The following ADSS2 variants were observed in gnomAD, a reference collection of about 807,000 sequenced individuals.
ADSS2 encodes the protein adenylosuccinate synthetase isozyme 2.
ADSS2 carries 30 observed loss-of-function variants against 60.0 expected under a neutral mutation model. The observed-to-expected ratio is 0.50, with a 90% CI of 0.37 to 0.68. The LOEUF (loss-of-function observed/expected upper bound fraction) is 0.68, where lower values mean the gene tolerates loss of function less well. Among genes scored for constraint, ADSS2 ranks in the 30% least tolerant of loss-of-function variants. ADSS2 has a pLI of 0.00. For synonymous variants in ADSS2, 187 were observed against 193.1 expected (o/e 0.97, Z 0.26); for missense variants, 373 against 554.8 (o/e 0.67, Z 3.29).
intron 6 of ADSS2, among the ~76,000 whole-genome samples, chr1:244,423,160 G>A (rs1182531856): frequency 6.6e-6 from 1 of 152,158 alleles, no homozygotes; most frequent in African/African-American, 2.4e-5. Context: ...GGTGATATGT[G>A]TGTAGGGAGG....
Position 244,451,523 on chromosome 1 carries a change from C to G in ADSS2, c.183+112G>C. The stretch of plus-strand genomic sequence containing the variant: ...ACAGGAGGAGAGAGCCTCAAGGTGA[C>G]ACCTCATTTTGGCCAGTGGATCCGG... On this transcript the variant is annotated intron_variant, in intron 1 of 12. Transcript: ENST00000366535. This position sits in a 1 kb window ranked among gnomAD's most constrained non-coding sequence, Gnocchi z 6.6. The G allele has an allele frequency of 2.6e-6, 3 of 1,159,194 alleles. No individual in the cohort carries two copies. Among genetic ancestry groups the G allele is most frequent in the Non-Finnish European group, 3.6e-6 (3 of 837,910 alleles). 71.8% of individuals were successfully genotyped at this position (1,159,194 alleles called of 1,614,324 possible). A position where few individuals can be genotyped will look rare whatever the true frequency, so the allele number is the denominator to read the frequency against.
intron 3 of ADSS2, among the ~76,000 whole-genome samples, chr1:244,433,235 C>G (rs978598934): frequency 3.3e-5 from 5 of 151,894 alleles, no homozygotes; most frequent in Non-Finnish European, 7.4e-5. Flanking sequence ...GATGCTGTCT[C>G]ACAAAAAAGG....
chr1:244,444,408 G>A (rs940553562), intron 1 of ADSS2, among the ~76,000 whole-genome samples: 2 of 146,442 alleles, frequency 1.4e-5, no homozygotes, highest in Non-Finnish European at 3.0e-5. Context: ...CCAGCTACTT[G>A]GGAGGCTGAG....
intron 1 of ADSS2, among the ~76,000 whole-genome samples, chr1:244,447,901 T>C (rs140913985): frequency 1.3e-5 from 2 of 152,266 alleles, no homozygotes; most frequent in Admixed American, 6.5e-5. Flanking sequence ...CTGCTTCATA[T>C]AGTATTAGGT....
chr1:244,442,971 C>T (rs554360697), intron 1 of ADSS2, among the ~76,000 whole-genome samples: 13 of 152,216 alleles, frequency 8.5e-5, no homozygotes, highest in African/African-American at 2.9e-4. Context: ...CAAATACGAG[C>T]ACCCCCTCAG....
intron 1 of ADSS2, 52 bp from the exon 2 acceptor site, chr1:244,437,820 A>T: frequency 7.6e-7 from 1 of 1,315,912 alleles, no homozygotes; most frequent in Non-Finnish European, 1.1e-6. Flanking sequence ...ACTACAAATA[A>T]CCTATCTCCC....
At chr1:244,421,631 T>G (rs184967359) in intron 7 of ADSS2, among the ~76,000 whole-genome samples, 180 of 152,346 alleles carry the variant, frequency 1.2e-3, no homozygotes, top group Non-Finnish European at 2.1e-3. Context: ...AAAGCCATAC[T>G]CATAGTTTGG....
intron 7 of ADSS2, among the ~76,000 whole-genome samples, chr1:244,420,612 T>TA (rs1209245817): frequency 2.6e-5 from 4 of 152,212 alleles, no homozygotes; most frequent in Non-Finnish European, 5.9e-5. Flanking sequence ...TTCAGGAAAA[T>TA]AAAAATAAAT....
chr1:244,447,737 G>C (rs962135119), intron 1 of ADSS2, among the ~76,000 whole-genome samples: 5 of 152,160 alleles, frequency 3.3e-5, no homozygotes, highest in Non-Finnish European at 7.4e-5. Context: ...TCCAAGGAAT[G>C]CTAGGAATTC....
Position 244,428,858 on chromosome 1 carries a change from G to C in ADSS2, c.406+3687C>G, listed in dbSNP as rs180750151. On this transcript the variant is annotated intron_variant, in intron 4 of 12. Transcript: ENST00000366535. ...AGAAACAGAAAAATCTGAATATCCC[G>C]ATATCTATTAAAGAAATAAAATTCA... 7.9e-5 allele frequency among the ~76,000 whole-genome samples: 12 copies of C among 152,002 alleles called. No homozygotes were observed. The East Asian group carries it at 2.3e-3, about 29-fold the overall frequency.
intron 4 of ADSS2, among the ~76,000 whole-genome samples, chr1:244,429,135 C>T (rs1028952686): frequency 2.6e-5 from 4 of 152,108 alleles, no homozygotes; most frequent in African/African-American, 4.8e-5. Flanking sequence ...AAATTCTTTC[C>T]TTTGTGGACA....
rs894064904 is a variant in ADSS2, at chr1:244,451,518, G to A, written c.183+117C>T. 8.7e-7 allele frequency: 1 copy of A among 1,151,888 alleles called. No homozygotes were observed. Among genetic ancestry groups the A allele is most frequent in the Admixed American group, 2.7e-5 (1 of 37,582 alleles). The allele number at this position is 1,151,888 out of a possible 1,614,324, so 71.4% of individuals were successfully genotyped here. On this transcript the variant is annotated intron_variant, in intron 1 of 12. Coordinates refer to ENST00000366535, the MANE Select transcript of ADSS2 (RefSeq NM_001126.5). The surrounding 1 kb of genome is among the most constrained non-coding windows in gnomAD (Gnocchi z 6.6). ...TCAGGACAGGAGGAGAGAGCCTCAA[G>A]GTGACACCTCATTTTGGCCAGTGGA...
intron 3 of ADSS2, 35 bp downstream of exon 3, chr1:244,436,790 A>G: frequency 6.5e-7 from 1 of 1,546,838 alleles, no homozygotes; most frequent in Non-Finnish European, 8.9e-7. Context: ...TTTACAAAGA[A>G]CAACTGGTTA....
chr1:244,435,122 C>T lies in ADSS2; in HGVS notation c.355+1703G>A, dbSNP rs370461644. Among the ~76,000 whole-genome samples the T allele has an allele frequency of 9.8e-5, 13 of 132,550 alleles. No homozygotes were observed. In the South Asian group the frequency reaches 2.9e-3, roughly 29 times the overall value. The allele number at this position is 132,550 out of a possible 152,430, so 87.0% of individuals were successfully genotyped here. A position where few individuals can be genotyped will look rare whatever the true frequency, so the allele number is the denominator to read the frequency against. On this transcript the variant is annotated intron_variant, in intron 3 of 12. Transcript: ENST00000366535. ...AGCAGAAGGTGCAGTGAGCCAAGAT[C>T]ACGCCACTGCACTGCAGCCTGGGTG...
intron 12 of ADSS2, among the ~76,000 whole-genome samples, chr1:244,410,620 A>G (rs1664390583): frequency 6.6e-6 from 1 of 152,138 alleles, no homozygotes; most frequent in South Asian, 2.1e-4. Flanking sequence ...ACCATAAACC[A>G]TTTTTAACCC....
intron 8 of ADSS2, among the ~76,000 whole-genome samples, chr1:244,419,451 T>C (rs955601649): frequency 3.9e-5 from 6 of 152,360 alleles, no homozygotes; most frequent in Non-Finnish European, 7.3e-5. Flanking sequence ...TATTTAACTA[T>C]TCACTCTACC....
In ADSS2 at chr1:244,424,407, C is replaced by T; in HGVS notation, c.407-20G>A. 6.2e-7 allele frequency: 1 copy of T among 1,607,086 alleles called. No individual in the cohort carries two copies. Among genetic ancestry groups the T allele is most frequent in the South Asian group, 1.1e-5 (1 of 90,666 alleles). ...CAAATACTGAGGGGAAATAAAACCA[C>T]AGTTGTTGAAACAAAGATAATACAC... On this transcript the variant is annotated intron_variant, in intron 4 of 12. Coordinates refer to ENST00000366535, the MANE Select transcript of ADSS2 (RefSeq NM_001126.5).
rs895346368 is a variant in ADSS2, at chr1:244,451,343, G to A, written c.183+292C>T. ...TCAGTCCCGGCGCTGAGCACCACTC[G>A]CCAGACGCAAAACTGCAACTGCCAG... On this transcript the variant is annotated intron_variant, in intron 1 of 12. Coordinates refer to ENST00000366535, the MANE Select transcript of ADSS2 (RefSeq NM_001126.5). This position sits in a 1 kb window ranked among gnomAD's most constrained non-coding sequence, Gnocchi z 6.6. Among the ~76,000 whole-genome samples the A allele has an allele frequency of 8.5e-5, 13 of 152,114 alleles. No individual in the cohort carries two copies. The highest frequency in any genetic ancestry group is 2.7e-4 in the African/African-American group (11 of 41,428).
chr1:244,410,645 A>G (rs779926123), intron 12 of ADSS2, among the ~76,000 whole-genome samples: 4 of 152,100 alleles, frequency 2.6e-5, no homozygotes, highest in African/African-American at 4.8e-5. Context: ...AAAACACACA[A>G]CATTTTTTGT....
Sources: gnomAD v4.1 joint callset for allele counts (sites outside exome capture counted in the v4.1 genomes callset) on GRCh38, gnomAD v4.1.1 for gene constraint, Gnocchi (gnomAD v3.1) non-coding constraint, MANE v1.5 for transcripts, NCBI Gene and HGNC (gene_info 2026-07-23, HGNC 2026-07-21) for gene names.